Variants in FMNL2 observed in about 807,000 individuals in gnomAD.
The protein encoded by FMNL2 is formin like 2.
In FMNL2, 51 loss-of-function variants were observed where a neutral mutation model predicts 130.2. The ratio of observed to expected loss-of-function variants is 0.39; its 90% CI spans 0.31 to 0.49. The LOEUF is 0.49. Among genes scored for constraint, FMNL2 ranks in the 20% least tolerant of loss-of-function variants. The probability of loss-of-function intolerance (pLI) is 0.85; values close to 1 mark genes in which losing one functional copy is unlikely to be tolerated. For missense variants in FMNL2, 977 were observed against 1,316.2 expected (o/e 0.74, Z 3.99); for synonymous variants, 465 against 467.1 (o/e 1.00, Z 0.06).
chr2:152,601,675 T>TC (rs1356144408), intron 9 of FMNL2, among the ~76,000 whole-genome samples: 38 of 144,310 alleles, frequency 2.6e-4, no homozygotes, highest in African/African-American at 9.6e-4. Context: ...TTCTTTCTTT[T>TC]TTTTTTTTTT....
chr2:152,483,208 G>A (rs1320576882), intron 1 of FMNL2, among the ~76,000 whole-genome samples: 1 of 152,018 alleles, frequency 6.6e-6, no homozygotes, highest in Non-Finnish European at 1.5e-5. Context: ...AAACATGGTG[G>A]AGTGGCTGAA....
intron 1 of FMNL2, among the ~76,000 whole-genome samples, chr2:152,519,354 A>G (rs1031326605): frequency 2.0e-5 from 3 of 152,182 alleles, no homozygotes; most frequent in Admixed American, 2.0e-4. Context: ...CATGTTGCAC[A>G]GGGCTTGTAC....
chr2:152,515,882 C>T (rs1692737855), intron 1 of FMNL2, among the ~76,000 whole-genome samples: 1 of 152,124 alleles, frequency 6.6e-6, no homozygotes, highest in Non-Finnish European at 1.5e-5. Flanking sequence ...TTTTGAATTA[C>T]ATTTACTGGC....
intron 2 of FMNL2, among the ~76,000 whole-genome samples, chr2:152,531,276 C>T (rs1013705891): frequency 1.3e-5 from 2 of 152,208 alleles, no homozygotes; most frequent in Admixed American, 1.3e-4. Context: ...TTTAGAGGGA[C>T]CTCCTTTCTA....
intron 1 of FMNL2, among the ~76,000 whole-genome samples, chr2:152,393,754 A>C (rs762386634): frequency 6.6e-6 from 1 of 152,188 alleles, no homozygotes; most frequent in Non-Finnish European, 1.5e-5. Context: ...AGTAGGTCAG[A>C]GGTTAGCTAA....
intron 1 of FMNL2, among the ~76,000 whole-genome samples, chr2:152,353,828 T>C (rs1393229568): frequency 6.6e-6 from 1 of 152,224 alleles, no homozygotes; most frequent in African/African-American, 2.4e-5. Context: ...GGACTTTAAC[T>C]GGATTCTAGT....
intron 1 of FMNL2, among the ~76,000 whole-genome samples, chr2:152,495,314 A>G (rs899993365): frequency 3.3e-5 from 5 of 152,052 alleles, no homozygotes; most frequent in African/African-American, 1.2e-4. Flanking sequence ...TTCCTATTCT[A>G]CGTAGATCAT....
Position 152,442,600 on chromosome 2 carries a change from C to T in FMNL2, c.118-79343C>T, listed in dbSNP as rs546507555. Among the ~76,000 whole-genome samples, 14 of 152,230 alleles carry T rather than the reference C, an allele frequency of 9.2e-5. No individual in the cohort carries two copies. In the South Asian group the frequency reaches 2.9e-3, roughly 32 times the overall value. ...TTCATTTACTGATAATACCTTTCTC[C>T]GTACCCCCACCCAAAGCTTGAGTTA... is the stretch of plus-strand genomic sequence containing the variant. On this transcript the variant is annotated intron_variant, in intron 1 of 25. Coordinates refer to ENST00000288670, the MANE Select transcript of FMNL2 (RefSeq NM_052905.4).
chr2:152,392,643 A>G (rs537848546), intron 1 of FMNL2, among the ~76,000 whole-genome samples: 2 of 152,258 alleles, frequency 1.3e-5, no homozygotes, highest in African/African-American at 4.8e-5. Flanking sequence ...CCTTAATCCC[A>G]TCGAGAGGGA....
chr2:152,478,877 G>A (rs1237322919), intron 1 of FMNL2, among the ~76,000 whole-genome samples: 1 of 152,050 alleles, frequency 6.6e-6, no homozygotes, highest in Non-Finnish European at 1.5e-5. Context: ...GTGACCTGGT[G>A]AATTTCAAAT....
At chr2:152,389,711 G>A (rs368733031) in intron 1 of FMNL2, among the ~76,000 whole-genome samples, 5 of 152,360 alleles carry the variant, frequency 3.3e-5, no homozygotes, top group African/African-American at 1.2e-4. Flanking sequence ...CGGTTCGATG[G>A]CATGTTGCTG....
intron 3 of FMNL2, among the ~76,000 whole-genome samples, chr2:152,546,046 T>G (rs975727860): frequency 2.6e-5 from 4 of 152,188 alleles, no homozygotes; most frequent in Non-Finnish European, 5.9e-5. Context: ...CTGGTTTCGA[T>G]ACATAGCTCT....
chr2:152,364,633 A>C (rs1683407945), intron 1 of FMNL2, among the ~76,000 whole-genome samples: 1 of 152,222 alleles, frequency 6.6e-6, no homozygotes, highest in Admixed American at 6.5e-5. Context: ...TTTTCCTGGC[A>C]AAATGGTAAA....
At chr2:152,538,568 C>G (rs1694134381) in intron 2 of FMNL2, among the ~76,000 whole-genome samples, 2 of 152,216 alleles carry the variant, frequency 1.3e-5, no homozygotes, top group Admixed American at 1.3e-4. Flanking sequence ...GCGTGAGCCA[C>G]TGCACCCAGC....
intron 20 of FMNL2, among the ~76,000 whole-genome samples, chr2:152,630,166 TAAC>T (rs1225278549): frequency 1.3e-5 from 2 of 152,208 alleles, no homozygotes; most frequent in African/African-American, 2.4e-5. Context: ...AATTGCAAAT[TAAC>T]AATCTAAAGG....
chr2:152,619,277 T>C, intron 14 of FMNL2, 119 bp downstream of exon 14: 1 of 1,340,342 alleles, frequency 7.5e-7, no homozygotes, highest in Non-Finnish European at 1.0e-6. Flanking sequence ...AGAATTGGTT[T>C]TCTTGAGTAG....
chr2:152,593,896 TGTGTGTGAGA>T (rs766578616), intron 9 of FMNL2, among the ~76,000 whole-genome samples: 15,346 of 101,790 alleles, frequency 0.15, 1,066 homozygotes, highest in Non-Finnish European at 0.23. Context: ...TGTGTGTGTG[TGTGTGTGAGA>T]GAGAGAGAGA....
intron 1 of FMNL2, among the ~76,000 whole-genome samples, chr2:152,381,253 G>A (rs1270017784): frequency 6.6e-6 from 1 of 152,190 alleles, no homozygotes; most frequent in Non-Finnish European, 1.5e-5. Context: ...TAGCCTGAGA[G>A]GTCGAAATTA....
chr2:152,402,069 AT>A (rs1188557023), intron 1 of FMNL2, among the ~76,000 whole-genome samples: 1 of 151,628 alleles, frequency 6.6e-6, no homozygotes, highest in Non-Finnish European at 1.5e-5. Flanking sequence ...CACCCAGCTA[AT>A]TTTTTGTATT....
Sources: allele counts gnomAD v4.1 joint callset (sites outside exome capture counted in the v4.1 genomes callset), GRCh38; gene constraint gnomAD v4.1.1; transcripts MANE v1.5; gene names NCBI Gene and HGNC (gene_info 2026-07-23, HGNC 2026-07-21).